The following UBR3 variants were observed in gnomAD, a reference collection of about 807,000 sequenced individuals.
The protein encoded by UBR3 is ubiquitin protein ligase E3 component n-recognin 3, also known as E3 ubiquitin-protein ligase UBR3.
A neutral mutation model predicts 243.2 loss-of-function variants in UBR3; 85 were observed. That is an observed-to-expected ratio of 0.35 (90% CI 0.29 to 0.42). The LOEUF (loss-of-function observed/expected upper bound fraction) is 0.42. Among genes scored for constraint, UBR3 ranks in the 10% least tolerant of loss-of-function variants. The pLI is 1.00. For synonymous variants in UBR3, 748 were observed against 799.8 expected (o/e 0.94, Z 1.09); for missense variants, 1,686 against 2,300.8 (o/e 0.73, Z 5.47).
intron 29 of UBR3, among the ~76,000 whole-genome samples, chr2:170,013,460 TA>T (rs1196885823): frequency 2.0e-5 from 3 of 152,112 alleles, no homozygotes; most frequent in Admixed American, 6.6e-5. Context: ...TTAAGAAATG[TA>T]AAATCCTAGA....
intron 10 of UBR3, 150 bp from the exon 11 acceptor site, chr2:169,913,910 G>A (rs547261292): frequency 3.1e-6 from 1 of 319,020 alleles, no homozygotes; most frequent in South Asian, 1.5e-4. Context: ...TGTTTATGAA[G>A]GGAGAGTTTC....
intron 19 of UBR3, among the ~76,000 whole-genome samples, chr2:169,937,503 T>G (rs1328479411): frequency 6.6e-6 from 1 of 152,202 alleles, no homozygotes; most frequent in Non-Finnish European, 1.5e-5. Context: ...CAGAAACTCT[T>G]TAGTTTGATT....
At chr2:170,034,354 C>G (rs1417968147) in intron 31 of UBR3, among the ~76,000 whole-genome samples, 2 of 151,972 alleles carry the variant, frequency 1.3e-5, no homozygotes, top group East Asian at 3.8e-4. Context: ...CTCAGTACAA[C>G]CCCTGGCAAC....
intron 3 of UBR3, among the ~76,000 whole-genome samples, chr2:169,876,332 G>A (rs1310409450): frequency 6.6e-6 from 1 of 152,064 alleles, no homozygotes; most frequent in Non-Finnish European, 1.5e-5. Context: ...CGCCCGCCTT[G>A]GCCTTCCGAA....
At chr2:169,944,590 T>G (rs1222946684) in intron 20 of UBR3, among the ~76,000 whole-genome samples, 1 of 152,190 alleles carries the variant, frequency 6.6e-6, no homozygotes, top group Non-Finnish European at 1.5e-5. Context: ...CGTTGGCAAG[T>G]CAACTTTTTA....
intron 24 of UBR3, among the ~76,000 whole-genome samples, chr2:169,982,075 C>T (rs955743637): frequency 1.3e-5 from 2 of 152,088 alleles, no homozygotes; most frequent in African/African-American, 4.8e-5. Flanking sequence ...AAGTACTTCT[C>T]AGTTGTTTTT....
chr2:169,921,505 A>T (rs1237140208), intron 11 of UBR3, among the ~76,000 whole-genome samples: 2 of 152,242 alleles, frequency 1.3e-5, no homozygotes, highest in East Asian at 3.8e-4. Context: ...AACATAGGAT[A>T]TGCTAAAGCC....
At chr2:169,970,609 A>G (rs1574311459) in intron 24 of UBR3, among the ~76,000 whole-genome samples, 2 of 115,278 alleles carry the variant, frequency 1.7e-5, no homozygotes, top group African/African-American at 6.0e-5. Context: ...TTTGCTGAGA[A>G]TGATGATTTC....
At chr2:170,073,697 GT>G in intron 36 of UBR3, 90 bp downstream of exon 36, 2 of 1,321,172 alleles carry the variant, frequency 1.5e-6, no homozygotes, top group East Asian at 2.6e-5. Context: ...TAGGTCATCT[GT>G]TTTTGACAGC....
At chr2:169,957,119 T>C (rs1165274908) in intron 23 of UBR3, among the ~76,000 whole-genome samples, 3 of 152,218 alleles carry the variant, frequency 2.0e-5, no homozygotes, top group Non-Finnish European at 4.4e-5. Context: ...TCACTTCTTG[T>C]TTAAATTATT....
Position 170,040,908 on chromosome 2 carries a change from A to G in UBR3, c.4583A>G (p.Glu1528Gly), listed in dbSNP as rs755280513. The G allele has an allele frequency of 3.7e-6, 6 of 1,613,466 alleles. No homozygotes were observed. The highest frequency in any genetic ancestry group is 5.1e-6 in the Non-Finnish European group (6 of 1,179,692). ...CTGGGATATGAAGAACAACAGCCTG[A>G]GGTTCCAATTCTTTATCATGATGTA... ...PQLGYEEQQP[E>G]VPILYHDVTS... Residue 1528 changes from glutamate to glycine, a missense_variant, in exon 32 of 39, where the codon GAG becomes GGG. Physicochemically the swap from Glu to Gly is moderately conservative, Grantham distance 98. This residue lies in a region of UBR3 where 371 missense variants were observed against 422.5 expected (regional missense o/e 0.88). Coordinates refer to ENST00000272793, the MANE Select transcript of UBR3 (RefSeq NM_172070.4).
At position 170,063,756 on chromosome 2, in the gene UBR3, T is replaced by C. The variant is rs373427294; in HGVS notation, c.5019+2313T>C. Among the ~76,000 whole-genome samples, 6 of 152,306 alleles carry C rather than the reference T, an allele frequency of 3.9e-5. No homozygotes were observed. In the East Asian group the frequency reaches 7.7e-4, roughly 20 times the overall value. ...TTTCCCACATCGATTTATTTTTCAC[T>C]GATGAACATCCAGGCTGCCTCCAAC... On this transcript the variant is annotated intron_variant, in intron 35 of 38. Transcript: ENST00000272793.
At chr2:170,058,009 A>G (rs984457806) in intron 33 of UBR3, among the ~76,000 whole-genome samples, 3 of 152,186 alleles carry the variant, frequency 2.0e-5, no homozygotes, top group East Asian at 1.9e-4. Flanking sequence ...TTGAGGATCT[A>G]TGGATTTTGG....
intron 32 of UBR3, among the ~76,000 whole-genome samples, chr2:170,045,382 A>G (rs1165986835): frequency 6.7e-6 from 1 of 149,834 alleles, no homozygotes; most frequent in Admixed American, 6.6e-5. Context: ...TGGGGAGACA[A>G]TCAGACTGTA....
chr2:169,890,563 A>ATATATATATGTGTG lies in UBR3; in HGVS notation c.1039-601_1039-600insATATATATGTGTGT, dbSNP rs1255881148. 1.5e-3 allele frequency among the ~76,000 whole-genome samples: 125 copies of ATATATATATGTGTG among 83,720 alleles called. 4 individuals are homozygous for ATATATATATGTGTG. The highest frequency in any genetic ancestry group is 0.013 in the Middle Eastern group (2 of 156). 54.9% of individuals were successfully genotyped at this position (83,720 alleles called of 152,430 possible). A position where few individuals can be genotyped will look rare whatever the true frequency, so the allele number is the denominator to read the frequency against. ...GAGATATATATATATATATATATAT[A>ATATATATATGTGTG]TGTGTATATATATATATGTATATAT... On this transcript the variant is annotated intron_variant, in intron 5 of 38. Transcript: ENST00000272793.
chr2:169,831,127 A>ATTTT lies in UBR3; in HGVS notation c.545+3100_545+3103dup, dbSNP rs34139528. On this transcript the variant is annotated intron_variant, in intron 1 of 38. Coordinates refer to ENST00000272793, the MANE Select transcript of UBR3 (RefSeq NM_172070.4). ...GTACATTATATATATATATATATAT[A>ATTTT]TTTTTTTTTTTTTTTTTTTTTTTTT... Among the ~76,000 whole-genome samples, 36 of 56,460 alleles carry ATTTT rather than the reference A, an allele frequency of 6.4e-4. 3 individuals carry two copies. The highest frequency in any genetic ancestry group is 9.0e-4 in the African/African-American group (10 of 11,078). The allele number at this position is 56,460 out of a possible 152,430, so 37.0% of individuals were successfully genotyped here. A position where few individuals can be genotyped will look rare whatever the true frequency, so the allele number is the denominator to read the frequency against.
chr2:169,911,362 G>A (rs2085248263), intron 10 of UBR3, among the ~76,000 whole-genome samples: 1 of 152,142 alleles, frequency 6.6e-6, no homozygotes, highest in Non-Finnish European at 1.5e-5. Flanking sequence ...CAGACATAGT[G>A]TTAACCTATG....
At chr2:169,895,083 TTAGA>T in intron 6 of UBR3, 94 bp from the exon 7 acceptor site, 1 of 1,208,758 alleles carries the variant, frequency 8.3e-7, no homozygotes, top group Non-Finnish European at 1.1e-6. Context: ...TTTTTAACTT[TTAGA>T]TACTTTCCCA....
At chr2:170,024,166 AAC>A in intron 30 of UBR3, among the ~76,000 whole-genome samples, 1 of 151,990 alleles carries the variant, frequency 6.6e-6, no homozygotes, top group East Asian at 1.9e-4. Flanking sequence ...CATCCTGGGT[AAC>A]AACCTGAAAC....
Sources: allele counts gnomAD v4.1 joint callset (sites outside exome capture counted in the v4.1 genomes callset), GRCh38; gene constraint gnomAD v4.1.1; regional missense constraint gnomAD v4.1.1; transcripts MANE v1.5; gene names NCBI Gene and HGNC (gene_info 2026-07-23, HGNC 2026-07-21).